The following ENTREP2 variants were observed in gnomAD, a reference collection of about 807,000 sequenced individuals.
The protein encoded by ENTREP2 is protein ENTREP2.
At chr15:29,301,883 G>C in the ENTREP2 span, among the ~76,000 whole-genome samples, 1 of 152,162 alleles carries the variant, frequency 6.6e-6, no homozygotes, top group Non-Finnish European at 1.5e-5. Flanking sequence ...TGAAGCAGAA[G>C]GTGAGCCCTT....
At chr15:29,209,201 T>A in the ENTREP2 span, among the ~76,000 whole-genome samples, 4 of 152,264 alleles carry the variant, frequency 2.6e-5, no homozygotes, top group East Asian at 1.9e-4. Flanking sequence ...GGATTAATTT[T>A]TAAAAAATAC....
chr15:29,597,109 G>A, the ENTREP2 span, among the ~76,000 whole-genome samples: 2 of 150,980 alleles, frequency 1.3e-5, no homozygotes, highest in Admixed American at 6.6e-5. Context: ...AAATCCCTGT[G>A]CTTCACCTAT....
the ENTREP2 span, among the ~76,000 whole-genome samples, chr15:29,377,161 GC>G: frequency 6.6e-6 from 1 of 152,082 alleles, no homozygotes; most frequent in African/African-American, 2.4e-5. Flanking sequence ...AAAAGCAGGA[GC>G]TTTTATTTTA....
chr15:29,284,388 C>G, the ENTREP2 span, among the ~76,000 whole-genome samples: 1 of 151,868 alleles, frequency 6.6e-6, no homozygotes, highest in Admixed American at 6.6e-5. Context: ...TGAAACCCAT[C>G]TCTACTAAAA....
chr15:29,234,707 G>A, the ENTREP2 span: 1 of 1,533,176 alleles, frequency 6.5e-7, no homozygotes, highest in Non-Finnish European at 9.0e-7. Flanking sequence ...AATCTCATAA[G>A]TAGTTCCATT....
At chr15:29,356,586 T>C in the ENTREP2 span, among the ~76,000 whole-genome samples, 19 of 151,770 alleles carry the variant, frequency 1.3e-4, no homozygotes, top group Middle Eastern at 3.4e-3. Flanking sequence ...ATTACAGGAG[T>C]GAGCCACCGC....
chr15:29,517,766 C>A, the ENTREP2 span, among the ~76,000 whole-genome samples: 1 of 152,100 alleles, frequency 6.6e-6, no homozygotes, highest in Non-Finnish European at 1.5e-5. Context: ...CATTTTATGT[C>A]ATTTTTCTTC....
the ENTREP2 span, among the ~76,000 whole-genome samples, chr15:29,480,454 G>T: frequency 6.6e-6 from 1 of 151,392 alleles, no homozygotes; most frequent in Non-Finnish European, 1.5e-5. Context: ...AGTGGGCAGC[G>T]TTCTTTGTTC....
At chr15:29,343,345 A>G in the ENTREP2 span, among the ~76,000 whole-genome samples, 1 of 152,148 alleles carries the variant, frequency 6.6e-6, no homozygotes, top group Admixed American at 6.5e-5. Flanking sequence ...GGCCTCATCC[A>G]ATCAGTCAAA....
At chr15:29,612,498 G>GA in the ENTREP2 span, 806 of 135,882 alleles carry the variant, frequency 5.9e-3, 5 homozygotes, top group South Asian at 0.02. Context: ...TACCAGCAGA[G>GA]AAAAAAAAAA....
the ENTREP2 span, among the ~76,000 whole-genome samples, chr15:29,170,307 C>CAAAA: frequency 1.0e-3 from 59 of 57,290 alleles, no homozygotes; most frequent in East Asian, 1.6e-3. Flanking sequence ...GACTCCATCT[C>CAAAA]AAAAAAAAAA....
the ENTREP2 span, among the ~76,000 whole-genome samples, chr15:29,344,778 G>C: frequency 3.3e-5 from 5 of 152,060 alleles, no homozygotes; most frequent in African/African-American, 9.7e-5. Flanking sequence ...TCCACAGAGA[G>C]GCCTGACTCC....
At chr15:29,169,532 T>C in the ENTREP2 span, among the ~76,000 whole-genome samples, 1 of 152,174 alleles carries the variant, frequency 6.6e-6, no homozygotes, top group African/African-American at 2.4e-5. Context: ...TGAACCTAGA[T>C]GCAAAAGTCC....
chr15:29,569,744 A>G, the ENTREP2 span: 3 of 152,242 alleles, frequency 2.0e-5, no homozygotes, highest in Admixed American at 2.0e-4. Context: ...TCTTTCTTCT[A>G]TGGAGATTTG....
At chr15:29,205,342 G>C in the ENTREP2 span, among the ~76,000 whole-genome samples, 1 of 152,032 alleles carries the variant, frequency 6.6e-6, no homozygotes, top group African/African-American at 2.4e-5. Flanking sequence ...TCCCAGAAGG[G>C]GAATTGCTGG....
chr15:29,306,957 A>G, the ENTREP2 span, among the ~76,000 whole-genome samples: 3 of 152,120 alleles, frequency 2.0e-5, no homozygotes, highest in African/African-American at 7.2e-5. Flanking sequence ...CATGTTGCCC[A>G]GGCTGGTCTC....
chr15:29,613,424 G>T, the ENTREP2 span: 1 of 465,586 alleles, frequency 2.1e-6, no homozygotes, highest in Admixed American at 2.4e-5. Context: ...AGGGCTTCCA[G>T]CTGACCCACT....
chr15:29,476,546 G>A, the ENTREP2 span, among the ~76,000 whole-genome samples: 1 of 152,186 alleles, frequency 6.6e-6, no homozygotes, highest in Non-Finnish European at 1.5e-5. Context: ...AGCCACCAAG[G>A]TTTTACCACC....
the ENTREP2 span, among the ~76,000 whole-genome samples, chr15:29,255,805 T>G: frequency 1.3e-5 from 2 of 151,870 alleles, no homozygotes; most frequent in Non-Finnish European, 2.9e-5. Flanking sequence ...ATTGAGACCA[T>G]CCTGGCTAAC....
Sources: gnomAD v4.1 joint callset for allele counts (sites outside exome capture counted in the v4.1 genomes callset) on GRCh38, gnomAD v4.1.1 for gene constraint, MANE v1.5 for transcripts, NCBI Gene and HGNC (gene_info 2026-07-23, HGNC 2026-07-21) for gene names.